The following IFRD1 variants were observed in gnomAD, a reference collection of about 807,000 sequenced individuals.
IFRD1 encodes the protein interferon-related developmental regulator 1.
In IFRD1, 35 loss-of-function variants were observed where a neutral mutation model predicts 52.9. The observed-to-expected ratio is 0.66, with a 90% confidence interval of 0.51 to 0.88. IFRD1 has a LOEUF of 0.88. Ranked by LOEUF, IFRD1 falls within the 40% of genes least tolerant of loss-of-function variation. The pLI, the probability that IFRD1 is intolerant of heterozygous loss-of-function variation, is 0.00. For missense variants in IFRD1, 517 were observed against 550.8 expected (o/e 0.94, Z 0.61); for synonymous variants, 184 against 188.4 (o/e 0.98, Z 0.19).
At position 112,467,854 on chromosome 7, in the gene IFRD1, C is replaced by A. The variant is rs138054082; in HGVS notation, c.907-127C>A. ...TTTATGTGTGCCTAGTCCCTAAATACCATGAAGATTTACATTGCCTTATGC... is the reference window on the plus strand; with the variant it reads ...TTTATGTGTGCCTAGTCCCTAAATAACATGAAGATTTACATTGCCTTATGC... On this transcript the variant is annotated intron_variant, in intron 8 of 11. Transcript: ENST00000403825. 172 of 903,434 alleles carry A rather than the reference C, an allele frequency of 1.9e-4. 2 individuals carry two copies. The African/African-American group carries it at 2.4e-3, about 13-fold the overall frequency. The allele number at this position is 903,434 out of a possible 1,614,324, so 56.0% of individuals were successfully genotyped here.
chr7:112,433,103 G>T (rs1794582205), intron 1 of IFRD1, among the ~76,000 whole-genome samples: 1 of 152,172 alleles, frequency 6.6e-6, no homozygotes, highest in Admixed American at 6.5e-5. Context: ...CTCCCAATGG[G>T]TTCTCCTTGC....
upstream of IFRD1, among the ~76,000 whole-genome samples, chr7:112,449,392 T>C (rs1795095567): frequency 6.6e-6 from 1 of 152,174 alleles, no homozygotes; most frequent in African/African-American, 2.4e-5. Context: ...AGTATTCGTT[T>C]CAGAGATGTT....
chr7:112,442,340 C>A (rs1794911128), intron 1 of IFRD1, among the ~76,000 whole-genome samples: 1 of 152,170 alleles, frequency 6.6e-6, no homozygotes, highest in Non-Finnish European at 1.5e-5. Context: ...AGAGTCATTT[C>A]TTTCTTTGGT....
At chr7:112,431,700 C>G (rs958663938) in intron 1 of IFRD1, among the ~76,000 whole-genome samples, 4 of 152,214 alleles carry the variant, frequency 2.6e-5, no homozygotes, top group African/African-American at 9.7e-5. Context: ...AGGGGTTACT[C>G]TCTCTGCCTA....
intron 8 of IFRD1, among the ~76,000 whole-genome samples, chr7:112,464,139 TAGAC>T (rs916918051): frequency 1.3e-5 from 2 of 151,198 alleles, no homozygotes; most frequent in African/African-American, 4.9e-5. Flanking sequence ...GTGAAATACA[TAGAC>T]AGATTTAAAA....
chr7:112,471,970 A>T (rs185462227), intron 9 of IFRD1, among the ~76,000 whole-genome samples: 93 of 152,258 alleles, frequency 6.1e-4, no homozygotes, highest in Non-Finnish European at 1.2e-3. Context: ...TATTCTCAAC[A>T]ATGTGGTTTT....
At position 112,450,752 on chromosome 7, in the gene IFRD1, G is replaced by T; in HGVS notation, c.64G>T (p.Gly22Ter). 1 of 1,612,416 alleles carries T rather than the reference G, an allele frequency of 6.2e-7. No homozygotes were observed. The highest frequency in any genetic ancestry group is 8.5e-7 in the Non-Finnish European group (1 of 1,179,710). ...TAGCAGTGCTGGCGGCGGCGGGTCAGGAGCAGCCGCAGCGACGGCGGCGAC... is the reference window on the plus strand; with the variant it reads ...TAGCAGTGCTGGCGGCGGCGGGTCATGAGCAGCCGCAGCGACGGCGGCGAC... ...RGSSAGGGGSGAAAATAATAG... is the reference protein window; with the variant it reads ...RGSSAGGGGS The change falls in exon 1 of 12, where the codon GGA becomes TGA. Residue 22 changes from glycine to a stop codon, truncating the protein, a stop_gained. Transcript: ENST00000403825. LOFTEE classifies it high-confidence loss of function.
intron 8 of IFRD1, among the ~76,000 whole-genome samples, chr7:112,465,608 C>G (rs1040777945): frequency 6.6e-6 from 1 of 152,022 alleles, no homozygotes; most frequent in African/African-American, 2.4e-5. Context: ...TTATATATTT[C>G]TAATAGTTCA....
At chr7:112,450,839 C>A in intron 1 of IFRD1, 57 bp downstream of exon 1, 1 of 1,183,290 alleles carries the variant, frequency 8.5e-7, no homozygotes, top group Non-Finnish European at 1.3e-6. Flanking sequence ...GCGAGTCTTC[C>A]ATGCTTCGGC....
intron 1 of IFRD1, among the ~76,000 whole-genome samples, chr7:112,454,482 C>T (rs910495544): frequency 5.3e-5 from 8 of 152,036 alleles, no homozygotes; most frequent in East Asian, 3.9e-4. Context: ...TGTGAGCCAC[C>T]GCACCCGGCC....
chr7:112,462,729 A>G (rs943118113), intron 8 of IFRD1, among the ~76,000 whole-genome samples: 4 of 152,212 alleles, frequency 2.6e-5, no homozygotes, highest in Admixed American at 1.3e-4. Flanking sequence ...GTGATGCTTC[A>G]TAATTAATAT....
At position 112,472,787 on chromosome 7, in the gene IFRD1, G is replaced by A; in HGVS notation, c.1192G>A (p.Val398Ile). ...TAAGTCAAATGAATTCCTTCGAAATGTATTTGAACTTGGACCCCCAGTGAT... is the reference window on the plus strand; with the variant it reads ...TAAGTCAAATGAATTCCTTCGAAATATATTTGAACTTGGACCCCCAGTGAT... The part of the protein sequence containing the change: ...HLQSNEFLRN[V>I]FELGPPVMLD... The change falls in exon 11 of 12, where the codon GTA (valine) becomes ATA (isoleucine). Residue 398 changes from valine (V) to isoleucine (I), a missense_variant. Physicochemically the swap from Val to Ile is conservative, Grantham distance 29. Transcript: ENST00000403825. 1 of 1,611,058 alleles carries A rather than the reference G, an allele frequency of 6.2e-7. No homozygotes were observed. The highest frequency in any genetic ancestry group is 8.5e-7 in the Non-Finnish European group (1 of 1,177,198).
intron 1 of IFRD1, among the ~76,000 whole-genome samples, chr7:112,434,824 C>A (rs1173172851): frequency 1.3e-5 from 2 of 152,118 alleles, no homozygotes; most frequent in African/African-American, 4.8e-5. Flanking sequence ...CAGAATGATT[C>A]AAAAAGAATT....
At chr7:112,427,015 A>G (rs4730545) in intron 1 of IFRD1, among the ~76,000 whole-genome samples, 6,118 of 152,252 alleles carry the variant, frequency 0.04, 297 homozygotes, top group African/African-American at 0.12. Flanking sequence ...CTGTACCCCA[A>G]TCACTTTGGG....
intron 1 of IFRD1, among the ~76,000 whole-genome samples, chr7:112,439,990 ATT>A (rs533468058): frequency 6.9e-6 from 1 of 145,770 alleles, no homozygotes; most frequent in African/African-American, 2.5e-5. Context: ...TTCAAAAGCC[ATT>A]TTTTTTTTTT....
Position 112,472,809 on chromosome 7 carries a change from T to C in IFRD1, c.1214T>C (p.Val405Ala), listed in dbSNP as rs1416982894. ...AATGTATTTGAACTTGGACCCCCAG[T>C]GATGCTTGATGCTGCAACGCTTAAA... ...LRNVFELGPP[V>A]MLDAATLKTM... Residue 405 changes from valine (V) to alanine (A), a missense_variant, in exon 11 of 12, where the codon GTG becomes GCG. By Grantham distance (64) the Val-to-Ala change is moderately conservative (BLOSUM62 0). Coordinates refer to ENST00000403825, the MANE Select transcript of IFRD1 (RefSeq NM_001550.4). 4 of 1,613,688 alleles carry C rather than the reference T, an allele frequency of 2.5e-6. No homozygotes were observed. The highest frequency in any genetic ancestry group is 3.4e-6 in the Non-Finnish European group (4 of 1,179,548).
At chr7:112,442,654 C>T (rs1794921290) in intron 1 of IFRD1, among the ~76,000 whole-genome samples, 1 of 152,194 alleles carries the variant, frequency 6.6e-6, no homozygotes, top group African/African-American at 2.4e-5. Flanking sequence ...GAGTCACCTC[C>T]AAATGGGCTG....
chr7:112,450,137 G>C (rs3109110), upstream of IFRD1: 1,030 of 160,988 alleles, frequency 6.4e-3, 13 homozygotes, highest in African/African-American at 0.024. Context: ...GTTCCAAGGC[G>C]GGGGCGCGCC....
At chr7:112,423,680 A>T (rs555868028) in intron 1 of IFRD1, among the ~76,000 whole-genome samples, 13 of 152,276 alleles carry the variant, frequency 8.5e-5, no homozygotes, top group African/African-American at 3.1e-4. Context: ...ATGAGGAGGG[A>T]AGGATAGAGG....
Sources: gnomAD v4.1 joint callset for allele counts (sites outside exome capture counted in the v4.1 genomes callset) on GRCh38, gnomAD v4.1.1 for gene constraint, MANE v1.5 for transcripts, NCBI Gene and HGNC (gene_info 2026-07-23, HGNC 2026-07-21) for gene names.